Variants in PDSS1 observed in about 807,000 individuals in gnomAD.
PDSS1 encodes the protein decaprenyl diphosphate synthase subunit 1, also known as all trans-polyprenyl-diphosphate synthase PDSS1.
Under a neutral mutation model 57.5 loss-of-function variants are expected in PDSS1, and 43 were observed. The observed-to-expected ratio is 0.75, with a 90% CI of 0.59 to 0.96. The LOEUF is 0.96. Ranked by LOEUF, PDSS1 falls within the 50% of genes least tolerant of loss-of-function variation. The probability of loss-of-function intolerance (pLI) is 0.00; values close to 1 mark genes in which losing one functional copy is unlikely to be tolerated. For synonymous variants in PDSS1, 175 were observed against 191.3 expected (o/e 0.91, Z 0.70); for missense variants, 438 against 527.8 (o/e 0.83, Z 1.67).
chr10:26,712,951 G>GT lies in PDSS1; in HGVS notation c.467+3190dup, dbSNP rs1384657172. On this transcript the variant is annotated intron_variant, in intron 5 of 11. Coordinates refer to ENST00000376215, the MANE Select transcript of PDSS1 (RefSeq NM_014317.5). Reference sequence around the variant, plus strand: ...TCTTAGGAGGCTTATCAGATGCTGTGTTTTTTTGTTTTTTTGTTTTTTTTT... The same window carrying GT: ...TCTTAGGAGGCTTATCAGATGCTGTGTTTTTTTTGTTTTTTTGTTTTTTTTT... Among the ~76,000 whole-genome samples the GT allele has an allele frequency of 1.2e-4, 11 of 93,212 alleles. 3 individuals carry two copies. Among genetic ancestry groups the GT allele is most frequent in the Non-Finnish European group, 2.0e-4 (8 of 40,866 alleles). The allele number at this position is 93,212 out of a possible 152,430, so 61.2% of individuals were successfully genotyped here.
chr10:26,731,068 G>A (rs973515017), intron 8 of PDSS1, among the ~76,000 whole-genome samples: 18 of 151,946 alleles, frequency 1.2e-4, no homozygotes, highest in Admixed American at 7.9e-4. Flanking sequence ...TTAGCTGGGC[G>A]TGGTGGCACA....
chr10:26,712,967 GT>G (rs1163568548), intron 5 of PDSS1, among the ~76,000 whole-genome samples: 16 of 85,212 alleles, frequency 1.9e-4, no homozygotes, highest in Admixed American at 2.9e-4. Flanking sequence ...TTGTTTTTTT[GT>G]TTTTTTTTTT....
Position 26,705,329 on chromosome 10 carries a change from A to C in PDSS1, c.271A>C (p.Lys91Gln), listed in dbSNP as rs895213816. The part of the protein sequence containing the change: ...TPDSKTHSGE[K>Q]YTDPFKLGWR... ...AGACAGTAAAACACACAGTGGTGAA[A>C]AATACACCGATCCTTTCAAACTCGG... The change falls in exon 4 of 12, where the codon AAA (lysine) becomes CAA (glutamine). Residue 91 changes from lysine to glutamine, a missense_variant. Transcript: ENST00000376215. The C allele has an allele frequency of 6.2e-7, 1 of 1,613,218 alleles. No homozygotes were observed. The highest frequency in any genetic ancestry group is 1.3e-5 in the African/African-American group (1 of 75,036).
intron 8 of PDSS1, among the ~76,000 whole-genome samples, chr10:26,725,130 T>C (rs1835909900): frequency 6.6e-6 from 1 of 152,140 alleles, no homozygotes; most frequent in African/African-American, 2.4e-5. Flanking sequence ...TATCTGCCCA[T>C]CTCTAAGCCT....
intron 10 of PDSS1, among the ~76,000 whole-genome samples, chr10:26,741,882 T>C (rs1836624855): frequency 6.6e-6 from 1 of 152,220 alleles, no homozygotes; most frequent in South Asian, 2.1e-4. Context: ...TGTTGTTTTT[T>C]ATTTTTTATT....
chr10:26,701,016 A>T (rs894713469), intron 1 of PDSS1, among the ~76,000 whole-genome samples: 5 of 152,172 alleles, frequency 3.3e-5, no homozygotes, highest in African/African-American at 1.2e-4. Context: ...AGTGATATGG[A>T]CGATGAAGTC....
At chr10:26,742,823 T>C (rs2291053) in intron 11 of PDSS1, among the ~76,000 whole-genome samples, 1 of 152,222 alleles carries the variant, frequency 6.6e-6, no homozygotes, top group South Asian at 2.1e-4. Flanking sequence ...ATTAATATCT[T>C]TTAAAAGGTA....
At chr10:26,725,660 G>A (rs564853684) in intron 8 of PDSS1, among the ~76,000 whole-genome samples, 16 of 152,052 alleles carry the variant, frequency 1.1e-4, no homozygotes, top group Non-Finnish European at 2.2e-4. Flanking sequence ...TCTCCCTGAA[G>A]GTCAGGATCC....
chr10:26,728,988 C>T (rs1836070130), intron 8 of PDSS1, among the ~76,000 whole-genome samples: 1 of 152,014 alleles, frequency 6.6e-6, no homozygotes, highest in East Asian at 1.9e-4. Context: ...GCCATTTTGC[C>T]CAGGCTGGTC....
At chr10:26,740,027 A>C (rs1423095673) in intron 10 of PDSS1, among the ~76,000 whole-genome samples, 1 of 152,128 alleles carries the variant, frequency 6.6e-6, no homozygotes, top group African/African-American at 2.4e-5. Flanking sequence ...CTGTAGTCCC[A>C]AGTACTCGGG....
intron 8 of PDSS1, among the ~76,000 whole-genome samples, chr10:26,726,705 A>G (rs545599119): frequency 7.9e-5 from 12 of 152,276 alleles, no homozygotes; most frequent in African/African-American, 2.2e-4. Flanking sequence ...AGTGAAAATA[A>G]TATTAAAATC....
At chr10:26,718,956 C>A (rs572908874) in intron 5 of PDSS1, among the ~76,000 whole-genome samples, 1 of 152,240 alleles carries the variant, frequency 6.6e-6, no homozygotes, top group South Asian at 2.1e-4. Context: ...TAAATTACAG[C>A]ACCTTTTATG....
intron 8 of PDSS1, 48 bp downstream of exon 8, chr10:26,724,171 T>G (rs764024408): frequency 3.9e-6 from 5 of 1,272,190 alleles, no homozygotes; most frequent in African/African-American, 1.5e-5. Context: ...TAGCTCTTTT[T>G]TGGGAGCTAA....
At chr10:26,738,192 G>A (rs978936500) in intron 10 of PDSS1, among the ~76,000 whole-genome samples, 1 of 152,152 alleles carries the variant, frequency 6.6e-6, no homozygotes, top group Non-Finnish European at 1.5e-5. Context: ...AATAACGTAA[G>A]AATATGCAAT....
At chr10:26,725,947 A>C (rs1008941357) in intron 8 of PDSS1, among the ~76,000 whole-genome samples, 1 of 152,198 alleles carries the variant, frequency 6.6e-6, no homozygotes, top group Non-Finnish European at 1.5e-5. Flanking sequence ...AAGTCTTAGA[A>C]GCATTAGTAG....
intron 2 of PDSS1, among the ~76,000 whole-genome samples, chr10:26,704,293 G>T (rs997077600): frequency 6.6e-6 from 1 of 151,972 alleles, no homozygotes; most frequent in Admixed American, 6.6e-5. Context: ...AAAATAGACA[G>T]TGTTTGTATA....
intron 2 of PDSS1, 127 bp from the exon 3 acceptor site, chr10:26,704,550 A>G (rs1054279960): frequency 1.1e-5 from 7 of 636,710 alleles, no homozygotes; most frequent in African/African-American, 9.2e-5. Context: ...TTCTTCCTCT[A>G]AAGTTTGCAA....
rs967101662 is a variant in PDSS1 at position 26,697,845 on chromosome 10, G to C, written c.129+5G>C. On this transcript the variant is annotated splice_donor_5th_base_variant and intron_variant, in intron 1 of 11. Coordinates refer to ENST00000376215, the MANE Select transcript of PDSS1 (RefSeq NM_014317.5). The stretch of plus-strand genomic sequence containing the variant: ...GCTGCCGAAGTCCGCGCGCAGGTGA[G>C]GTTGGGAGGCGCGCGCCCGGCGGGG... The C allele has an allele frequency of 1.5e-6, 2 of 1,320,052 alleles. No homozygotes were observed. Among genetic ancestry groups the C allele is most frequent in the African/African-American group, 3.0e-5 (2 of 66,040 alleles). 81.8% of individuals were successfully genotyped at this position (1,320,052 alleles called of 1,614,324 possible). A position where few individuals can be genotyped will look rare whatever the true frequency, so the allele number is the denominator to read the frequency against.
intron 5 of PDSS1, among the ~76,000 whole-genome samples, chr10:26,718,957 A>C (rs1396114428): frequency 6.6e-6 from 1 of 152,106 alleles, no homozygotes; most frequent in African/African-American, 2.4e-5. Context: ...AAATTACAGC[A>C]CCTTTTATGT....
Sources: gnomAD v4.1 joint callset for allele counts (sites outside exome capture counted in the v4.1 genomes callset) on GRCh38, gnomAD v4.1.1 for gene constraint, MANE v1.5 for transcripts, NCBI Gene and HGNC (gene_info 2026-07-23, HGNC 2026-07-21) for gene names.